CPXM2: variants seen among roughly 807,000 people sequenced by gnomAD.
The protein encoded by CPXM2 is carboxypeptidase X, M14 family member 2.
CPXM2 carries 66 observed loss-of-function variants against 86.1 expected under a neutral mutation model. That is an observed-to-expected ratio of 0.77 (90% CI 0.63 to 0.94). CPXM2 has a LOEUF of 0.94. Among genes scored for constraint, CPXM2 ranks in the 40% least tolerant of loss-of-function variants. The pLI is 0.00. For synonymous variants in CPXM2, 388 were observed against 400.2 expected (o/e 0.97, Z 0.36); for missense variants, 948 against 1,026.3 (o/e 0.92, Z 1.04).
chr10:123,934,827 T>G (rs978070825), intron 2 of CPXM2, among the ~76,000 whole-genome samples: 1 of 152,194 alleles, frequency 6.6e-6, no homozygotes, highest in African/African-American at 2.4e-5. Flanking sequence ...CGCCTGCCAC[T>G]GAGACCTGTG....
At chr10:123,771,791 TAG>T (rs1231910173) in intron 7 of CPXM2, among the ~76,000 whole-genome samples, 3 of 152,152 alleles carry the variant, frequency 2.0e-5, no homozygotes, top group Non-Finnish European at 4.4e-5. Context: ...GTTCTTCTGA[TAG>T]TGAGTTCTCA....
chr10:123,804,095 T>C (rs1422646764), intron 4 of CPXM2, among the ~76,000 whole-genome samples: 1 of 152,210 alleles, frequency 6.6e-6, no homozygotes, highest in Non-Finnish European at 1.5e-5. Context: ...CTGGATGCTC[T>C]ATTCTGTTCT....
intron 13 of CPXM2, chr10:123,751,703 TC>T (rs1846080564): frequency 1.0e-6 from 1 of 985,272 alleles, no homozygotes; most frequent in Admixed American, 6.1e-5. Context: ...GCAAAATCCA[TC>T]CCGAAATAAA....
At chr10:123,771,666 T>G (rs1402860221) in intron 7 of CPXM2, among the ~76,000 whole-genome samples, 2 of 152,196 alleles carry the variant, frequency 1.3e-5, no homozygotes, top group Admixed American at 1.3e-4. Context: ...CTGATAGGGT[T>G]TGGCTGTGTT....
chr10:123,766,663 A>C (rs1846480848), intron 10 of CPXM2, among the ~76,000 whole-genome samples: 1 of 152,240 alleles, frequency 6.6e-6, no homozygotes, highest in Non-Finnish European at 1.5e-5. Context: ...ACTTCTTAGT[A>C]ATATAACCGA....
intron 4 of CPXM2, among the ~76,000 whole-genome samples, chr10:123,805,637 T>C (rs1847562092): frequency 6.6e-6 from 1 of 152,174 alleles, no homozygotes; most frequent in Non-Finnish European, 1.5e-5. Flanking sequence ...CTTTGGCAAA[T>C]ATTCTATGTG....
chr10:123,840,661 A>T (rs1848367347), intron 4 of CPXM2, among the ~76,000 whole-genome samples: 2 of 152,236 alleles, frequency 1.3e-5, no homozygotes, highest in Non-Finnish European at 2.9e-5. Flanking sequence ...TGGGGGGAAA[A>T]ATCTGTTCGC....
Position 123,770,989 on chromosome 10 carries a change from G to T in CPXM2, c.1029C>A (p.Asn343Lys). The change falls in exon 8 of 14, where the codon AAC becomes AAA. Residue 343 changes from asparagine to lysine, a missense_variant. Asn to Lys is a moderately conservative substitution (Grantham distance 94). Transcript: ENST00000241305. ...EMCPNITRIY[N>K]IGKSHQGLKL... ...TCAGGCCCTGGTGGCTTTTTCCAAT[G>T]TTGTAAATTCTGGTGATATTGGGAC... The T allele has an allele frequency of 6.2e-7, 1 of 1,613,516 alleles. No homozygotes were observed. Among genetic ancestry groups the T allele is most frequent in the Non-Finnish European group, 8.5e-7 (1 of 1,179,416 alleles).
chr10:123,755,963 T>C (rs1231031503), intron 12 of CPXM2, among the ~76,000 whole-genome samples: 2 of 152,048 alleles, frequency 1.3e-5, no homozygotes, highest in Non-Finnish European at 2.9e-5. Flanking sequence ...GAGTGAGAGG[T>C]TCCCCAAAGA....
chr10:123,791,516 C>T (rs947396612), intron 6 of CPXM2, among the ~76,000 whole-genome samples: 2 of 152,194 alleles, frequency 1.3e-5, no homozygotes, highest in Admixed American at 6.5e-5. Context: ...TGTCCATTGG[C>T]TGCCTGCAAC....
At chr10:123,822,090 A>G (rs2134114121) in intron 4 of CPXM2, among the ~76,000 whole-genome samples, 1 of 152,350 alleles carries the variant, frequency 6.6e-6, no homozygotes, top group South Asian at 2.1e-4. Context: ...GAAAAAGGTA[A>G]CAGCTTAAAC....
intron 2 of CPXM2, among the ~76,000 whole-genome samples, chr10:123,867,835 T>C (rs535612367): frequency 3.8e-4 from 58 of 152,270 alleles, no homozygotes; most frequent in African/African-American, 1.3e-3. Flanking sequence ...GCCCGGCCCA[T>C]CCTAGAGATT....
intron 3 of CPXM2, among the ~76,000 whole-genome samples, chr10:123,846,858 G>C (rs1157778554): frequency 6.6e-6 from 1 of 152,154 alleles, no homozygotes; most frequent in Non-Finnish European, 1.5e-5. Context: ...AAATGATATT[G>C]AAGGTTTTTT....
intron 1 of CPXM2, 116 bp from the exon 2 acceptor site, chr10:123,880,425 C>A (rs1945064193): frequency 3.1e-6 from 2 of 649,088 alleles, no homozygotes; most frequent in Admixed American, 5.0e-5. Flanking sequence ...GCTCCCCTGT[C>A]CCTAAAGATG....
At chr10:123,917,399 A>G (rs370741748) in intron 2 of CPXM2, among the ~76,000 whole-genome samples, 4 of 152,250 alleles carry the variant, frequency 2.6e-5, no homozygotes, top group South Asian at 4.1e-4. Flanking sequence ...TCAAAATGAA[A>G]CATTGCAAAG....
chr10:123,819,481 T>C (rs542742492), intron 4 of CPXM2, among the ~76,000 whole-genome samples: 3 of 152,356 alleles, frequency 2.0e-5, no homozygotes, highest in African/African-American at 7.2e-5. Context: ...AACAAGATTG[T>C]AATTATCATG....
intron 6 of CPXM2, 72 bp from the exon 7 acceptor site, chr10:123,780,327 AT>A (rs995834369): frequency 2.0e-6 from 2 of 996,408 alleles, no homozygotes; most frequent in African/African-American, 3.2e-5. Context: ...TTAGAGACAC[AT>A]GGGGACTGCA....
chr10:123,872,819 T>TG (rs1944914872), intron 2 of CPXM2, among the ~76,000 whole-genome samples: 1 of 151,928 alleles, frequency 6.6e-6, no homozygotes, highest in Non-Finnish European at 1.5e-5. Flanking sequence ...CTCAGAGAAA[T>TG]GTGACCTTGA....
intron 6 of CPXM2, among the ~76,000 whole-genome samples, chr10:123,787,041 G>C (rs1182435359): frequency 6.6e-6 from 1 of 152,148 alleles, no homozygotes; most frequent in Admixed American, 6.5e-5. Context: ...CCTCCAGCTG[G>C]CCCAAAAACC....
Sources: allele counts gnomAD v4.1 joint callset (sites outside exome capture counted in the v4.1 genomes callset), GRCh38; gene constraint gnomAD v4.1.1; transcripts MANE v1.5; gene names NCBI Gene and HGNC (gene_info 2026-07-23, HGNC 2026-07-21).